The following CASP1 variants were observed in gnomAD, a reference collection of about 807,000 sequenced individuals.
CASP1 encodes caspase-1.
A neutral mutation model predicts 41.2 loss-of-function variants in CASP1; 31 were observed. That is an observed-to-expected ratio of 0.75 (90% CI 0.57 to 1.02). CASP1 has a LOEUF of 1.02. CASP1 is among the 50% of genes least tolerant of loss of function. The pLI, the probability that CASP1 is intolerant of heterozygous loss-of-function variation, is 0.00. For missense variants in CASP1, 490 were observed against 495.7 expected (o/e 0.99, Z 0.11); for synonymous variants, 163 against 166.5 (o/e 0.98, Z 0.16).
intron 6 of CASP1, 29 bp from the exon 7 acceptor site, chr11:105,029,296 A>G (rs371185781): frequency 6.9e-6 from 11 of 1,597,934 alleles, no homozygotes; most frequent in Non-Finnish European, 9.4e-6. Flanking sequence ...ATTTGTTACT[A>G]CTACCAATGG....
At position 105,034,371 on chromosome 11, in the gene CASP1, C is replaced by T; in HGVS notation, c.111G>A (p.Lys37=). The part of the protein sequence containing the change: ...DELLQTRVLN[K]EEMEKVKREN... The stretch of plus-strand genomic sequence containing the variant: ...CACGTTTTACTTTCTCCATCTCTTC[C>T]TTGTTCAGCACCCTTGTCTGTAATA... Residue 37 remains lysine (K), a synonymous_variant, in exon 2 of 9, where the codon AAG becomes AAA. Coordinates refer to ENST00000533400, the MANE Select transcript of CASP1 (RefSeq NM_001257118.3). 1 of 1,614,194 alleles carries T rather than the reference C, an allele frequency of 6.2e-7. No homozygotes were observed.
At chr11:105,029,986 T>G in intron 5 of CASP1, 87 bp from the exon 6 acceptor site, 1 of 1,040,724 alleles carries the variant, frequency 9.6e-7, no homozygotes, top group African/African-American at 1.6e-5. Context: ...CTTAAGGAGT[T>G]TCTTAAGGAA....
chr11:105,034,231 G>T lies in CASP1; in HGVS notation c.251C>A (p.Ala84Glu). ...TYICEEDSYL[A>E]GTLGLSADQT... is the part of the protein sequence containing the mutation. ...ACCTGCTGAGAGTCCCAGCGTCCCT[G>T]CCAGGTAACTGTCTTCTTCACAAAT... The change falls in exon 2 of 9, where the codon GCA (alanine) becomes GAA (glutamate). Residue 84 changes from alanine to glutamate, a missense_variant. Coordinates refer to ENST00000533400, the MANE Select transcript of CASP1 (RefSeq NM_001257118.3). 1 of 1,614,086 alleles carries T rather than the reference G, an allele frequency of 6.2e-7. No homozygotes were observed. Among genetic ancestry groups the T allele is most frequent in the South Asian group, 1.1e-5 (1 of 91,090 alleles).
intron 7 of CASP1, among the ~76,000 whole-genome samples, chr11:105,027,432 A>G (rs1347309641): frequency 1.3e-5 from 2 of 152,180 alleles, no homozygotes; most frequent in Non-Finnish European, 2.9e-5. Flanking sequence ...CAAAAGTAGA[A>G]ATCTAGGAGG....
chr11:105,029,092 C>A (rs1192754497), intron 7 of CASP1, 32 bp downstream of exon 7: 2 of 1,598,576 alleles, frequency 1.3e-6, no homozygotes, highest in Non-Finnish European at 1.7e-6. Context: ...TTGATAGCCC[C>A]AACAAAGATG....
rs1162831436 is a variant in CASP1, at chr11:105,029,168, G to A, written c.962C>T (p.Ala321Val). 1 of 1,613,106 alleles carries A rather than the reference G, an allele frequency of 6.2e-7. No individual in the cohort carries two copies. The highest frequency in any genetic ancestry group is 8.5e-7 in the Non-Finnish European group (1 of 1,179,474). The change falls in exon 7 of 9, where the codon GCC becomes GTC. Residue 321 changes from alanine (A) to valine (V), a missense_variant. By Grantham distance (64) the Ala-to-Val change is moderately conservative. Transcript: ENST00000533400. The stretch of plus-strand genomic sequence containing the variant: ...AGCGATAAAATCCTTCTCTATGTGG[G>A]CTTTCTTAATAGCATCATCCTCAAA... ...EEFEDDAIKK[A>V]HIEKDFIAFC...
chr11:105,027,077 G>T, intron 7 of CASP1, 126 bp from the exon 8 acceptor site: 2 of 711,492 alleles, frequency 2.8e-6, no homozygotes. Context: ...ATAAGGAAAA[G>T]GCGGAATGGG....
intron 2 of CASP1, among the ~76,000 whole-genome samples, chr11:105,033,623 G>T (rs1217474779): frequency 6.6e-6 from 1 of 152,238 alleles, no homozygotes; most frequent in Admixed American, 6.5e-5. Context: ...CCACAGCCTG[G>T]TAACAGGCAA....
intron 8 of CASP1, 31 bp downstream of exon 8, chr11:105,026,811 A>G: frequency 9.3e-7 from 1 of 1,074,526 alleles, no homozygotes; most frequent in East Asian, 2.4e-5. Flanking sequence ...TCAGGGAAGT[A>G]GAGTGAAAAT....
At chr11:105,030,667 G>T in intron 4 of CASP1, 164 bp from the exon 5 acceptor site, 1 of 569,224 alleles carries the variant, frequency 1.8e-6, no homozygotes, top group Non-Finnish European at 3.0e-6. Context: ...TCAAGAGTAT[G>T]CATGGACATT....
intron 7 of CASP1, among the ~76,000 whole-genome samples, chr11:105,027,813 G>A (rs1393611729): frequency 2.0e-5 from 3 of 152,120 alleles, no homozygotes; most frequent in African/African-American, 7.2e-5. Flanking sequence ...AATTAAGGAA[G>A]TAGATAATTA....
intron 2 of CASP1, 51 bp from the exon 3 acceptor site, chr11:105,033,177 C>G (rs1244462548): frequency 2.7e-6 from 3 of 1,099,022 alleles, no homozygotes; most frequent in South Asian, 2.6e-5. Flanking sequence ...CTCTGGAAAA[C>G]TTTACCCCAA....
chr11:105,029,959 A>G (rs1863577820), intron 5 of CASP1, 60 bp from the exon 6 acceptor site: 2 of 1,237,412 alleles, frequency 1.6e-6, no homozygotes, highest in South Asian at 2.4e-5. Context: ...GTACCTTGGA[A>G]AGTCAATAAA....
At chr11:105,035,616 C>CTTTTTTTTTTTTTT (rs770202897), upstream of CASP1, among the ~76,000 whole-genome samples, 130 of 52,066 alleles carry the variant, frequency 2.5e-3, 6 homozygotes, top group Non-Finnish European at 3.0e-3. Context: ...TTTTTTCTTT[C>CTTTTTTTTTTTTTT]TGTTTTTTTT....
In CASP1 at chr11:105,030,427, G is replaced by C. The variant is rs145465840; in HGVS notation, c.530C>G (p.Pro177Arg). ...IICNEEFDSI[P>R]RRTGAEVDIT... Reference sequence around the variant, plus strand: ...GTCAACCTCAGCTCCAGTTCTTCTAGGAATACTGTCAAATTCTTCATTGCA... The same window carrying C: ...GTCAACCTCAGCTCCAGTTCTTCTACGAATACTGTCAAATTCTTCATTGCA... The change falls in exon 5 of 9, where the codon CCT becomes CGT. Residue 177 changes from proline to arginine, a missense_variant. Pro to Arg is a moderately radical substitution (Grantham distance 103, BLOSUM62 -2). Transcript: ENST00000533400. 1 of 1,613,404 alleles carries C rather than the reference G, an allele frequency of 6.2e-7. No individual in the cohort carries two copies. The highest frequency in any genetic ancestry group is 8.5e-7 in the Non-Finnish European group (1 of 1,179,608).
chr11:105,035,190 T>G, upstream of CASP1: 1 of 1,585,942 alleles, frequency 6.3e-7, no homozygotes, highest in Admixed American at 1.7e-5. Flanking sequence ...GGCCTGTACA[T>G]GTATTGGGAA....
At chr11:105,027,079 C>A (rs542731974) in intron 7 of CASP1, 128 bp from the exon 8 acceptor site, 6 of 711,004 alleles carry the variant, frequency 8.4e-6, no homozygotes, top group Admixed American at 8.0e-5. Context: ...AAGGAAAAGG[C>A]GGAATGGGGT....
At chr11:105,036,521 A>G (rs1445627148), upstream of CASP1, among the ~76,000 whole-genome samples, 1 of 151,908 alleles carries the variant, frequency 6.6e-6, no homozygotes, top group Non-Finnish European at 1.5e-5. Context: ...TTTTTTTTCC[A>G]TGCTGTTCTC....
intron 4 of CASP1, chr11:105,030,894 A>T (rs1479803161): frequency 2.6e-6 from 1 of 384,604 alleles, no homozygotes. Context: ...ATATATTATC[A>T]TGTGCAAAAT....
Sources: gnomAD v4.1 joint callset for allele counts (sites outside exome capture counted in the v4.1 genomes callset) on GRCh38, gnomAD v4.1.1 for gene constraint, MANE v1.5 for transcripts, NCBI Gene and HGNC (gene_info 2026-07-23, HGNC 2026-07-21) for gene names.